Variants in SPECC1 observed in about 807,000 individuals in gnomAD.
The protein encoded by SPECC1 is cytospin-B.
Under a neutral mutation model 104.1 loss-of-function variants are expected in SPECC1, and 62 were observed. The observed-to-expected ratio is 0.60, with a 90% confidence interval of 0.49 to 0.74. The LOEUF is 0.74. Among genes scored for constraint, SPECC1 ranks in the 30% least tolerant of loss-of-function variants. SPECC1 has a pLI of 0.00. For synonymous variants in SPECC1, 513 were observed against 501.6 expected, an observed-to-expected ratio of 1.02 and a Z score of -0.30; for missense variants, 1,306 against 1,310.5, an observed-to-expected ratio of 1.00 and a Z score of 0.05.
chr17:20,218,849 C>T (rs893716013), intron 4 of SPECC1, among the ~76,000 whole-genome samples: 3 of 152,168 alleles, frequency 2.0e-5, no homozygotes. Context: ...TCTCTATCTT[C>T]ATGAGTTCAA....
chr17:20,249,697 C>T (rs1167711231), intron 9 of SPECC1, among the ~76,000 whole-genome samples: 1 of 152,014 alleles, frequency 6.6e-6, no homozygotes, highest in Non-Finnish European at 1.5e-5. Flanking sequence ...TAAAGTTTAG[C>T]TGTAGCTTAA....
At chr17:20,216,577 C>T (rs913443405) in intron 4 of SPECC1, among the ~76,000 whole-genome samples, 12 of 152,034 alleles carry the variant, frequency 7.9e-5, no homozygotes, top group African/African-American at 2.9e-4. Flanking sequence ...GGTCTGACTT[C>T]AGAGCTGCCT....
chr17:20,191,378 G>A (rs2035658387), intron 3 of SPECC1, among the ~76,000 whole-genome samples: 1 of 152,022 alleles, frequency 6.6e-6, no homozygotes, highest in African/African-American at 2.4e-5. Context: ...ATCCTCACCA[G>A]TATTTGGTGT....
chr17:20,122,227 C>T (rs1420828819), intron 3 of SPECC1, among the ~76,000 whole-genome samples: 6 of 152,130 alleles, frequency 3.9e-5, no homozygotes, highest in African/African-American at 1.4e-4. Flanking sequence ...ATTTTTTACT[C>T]TTGACTCCAC....
At chr17:20,182,716 T>C (rs1211219369) in intron 3 of SPECC1, among the ~76,000 whole-genome samples, 1 of 152,242 alleles carries the variant, frequency 6.6e-6, no homozygotes, top group Non-Finnish European at 1.5e-5. Context: ...TATCATTGGA[T>C]TCAGAAAGTA....
rs558580873 is a variant in SPECC1, at chr17:20,084,707, C to T, written c.-21-11924C>T. On this transcript the variant is annotated intron_variant, in intron 1 of 14. Coordinates refer to ENST00000395527, the MANE Select transcript of SPECC1 (RefSeq NM_001243439.2). ...GTAACTAAGAAATCTTTGCCTTACTCGAGGTCACAACAGTTTTCTCCTGTT... is the reference window on the plus strand; with the variant it reads ...GTAACTAAGAAATCTTTGCCTTACTTGAGGTCACAACAGTTTTCTCCTGTT... Among the ~76,000 whole-genome samples, 6 of 152,120 alleles carry T rather than the reference C, an allele frequency of 3.9e-5. No homozygotes were observed. The South Asian group carries it at 1.2e-3, about 32-fold the overall frequency.
chr17:20,021,052 G>C (rs531746918), intron 1 of SPECC1, among the ~76,000 whole-genome samples: 1 of 152,270 alleles, frequency 6.6e-6, no homozygotes, highest in African/African-American at 2.4e-5. Context: ...AATAATGTAA[G>C]CTAGAGATAA....
chr17:20,120,064 C>T (rs1161927978), intron 3 of SPECC1, among the ~76,000 whole-genome samples: 4 of 152,188 alleles, frequency 2.6e-5, no homozygotes, highest in Non-Finnish European at 5.9e-5. Context: ...ATAAGGGATA[C>T]TCACCCTGTA....
chr17:20,242,666 T>G (rs2039254565), intron 7 of SPECC1, among the ~76,000 whole-genome samples: 1 of 152,226 alleles, frequency 6.6e-6, no homozygotes, highest in Non-Finnish European at 1.5e-5. Flanking sequence ...ACCTTGTATA[T>G]CTCTCACAGA....
intron 1 of SPECC1, among the ~76,000 whole-genome samples, chr17:20,082,966 G>GTTCA (rs1183484628): frequency 2.4e-4 from 12 of 50,392 alleles, no homozygotes; most frequent in African/African-American, 7.8e-4. Flanking sequence ...GTGTTCGTTC[G>GTTCA]TTCGTTCGTT....
intron 12 of SPECC1, among the ~76,000 whole-genome samples, chr17:20,274,588 C>G (rs565434912): frequency 1.2e-4 from 17 of 139,018 alleles, no homozygotes; most frequent in African/African-American, 4.3e-4. Context: ...TCAAGTGATT[C>G]TCCTGCCTCA....
intron 1 of SPECC1, among the ~76,000 whole-genome samples, chr17:20,060,185 G>A (rs1206247414): frequency 6.6e-6 from 1 of 152,028 alleles, no homozygotes; most frequent in Non-Finnish European, 1.5e-5. Flanking sequence ...CGCCTCTATA[G>A]TTGTGGTCTT....
At chr17:20,060,296 AAAGTGACATGGAAAGCTTATGCGGTT>A (rs2046135954) in intron 1 of SPECC1, among the ~76,000 whole-genome samples, 1 of 152,196 alleles carries the variant, frequency 6.6e-6, no homozygotes, top group African/African-American at 2.4e-5. Flanking sequence ...TCAAACTTTG[AAAGTGACATGGAAAGCTTATGCGGTT>A]TCTACAACTA....
chr17:20,262,387 A>C (rs138140246), intron 12 of SPECC1, among the ~76,000 whole-genome samples: 37 of 152,320 alleles, frequency 2.4e-4, no homozygotes, highest in Non-Finnish European at 4.7e-4. Flanking sequence ...CAGATGACTG[A>C]AGTAATTGTA....
At chr17:20,040,156 T>G (rs2045264061) in intron 1 of SPECC1, among the ~76,000 whole-genome samples, 1 of 151,920 alleles carries the variant, frequency 6.6e-6, no homozygotes, top group African/African-American at 2.4e-5. Flanking sequence ...TATATGTATA[T>G]ATATATATAC....
At position 20,315,258 on chromosome 17, in the gene SPECC1, C is replaced by T. The variant is rs963763893; in HGVS notation, c.*1193C>T. The stretch of plus-strand genomic sequence containing the variant: ...CTCTTTCATCGGCATGGGAAAAGCC[C>T]TTAGGGGTGGGCGGTGAGGGCACAT... On this transcript the variant is annotated 3_prime_UTR_variant, in exon 15 of 15. Coordinates refer to ENST00000395527, the MANE Select transcript of SPECC1 (RefSeq NM_001243439.2). 3 of 232,612 alleles carry T rather than the reference C, an allele frequency of 1.3e-5. No homozygotes were observed. Among genetic ancestry groups the T allele is most frequent in the Non-Finnish European group, 2.5e-5 (3 of 117,714 alleles). The allele number at this position is 232,612 out of a possible 1,614,324, so 14.4% of individuals were successfully genotyped here. A position where few individuals can be genotyped will look rare whatever the true frequency, so the allele number is the denominator to read the frequency against.
At chr17:20,023,809 T>TAA (rs71245395) in intron 1 of SPECC1, among the ~76,000 whole-genome samples, 53 of 135,320 alleles carry the variant, frequency 3.9e-4, no homozygotes, top group Non-Finnish European at 5.0e-4. Context: ...TGGCAGAAAA[T>TAA]AAAAAAAAAA....
chr17:20,210,319 C>T (rs1377686378), intron 4 of SPECC1, among the ~76,000 whole-genome samples: 3 of 152,216 alleles, frequency 2.0e-5, no homozygotes, highest in East Asian at 1.9e-4. Flanking sequence ...CCCTCCACCC[C>T]GGCCCCAAGG....
intron 12 of SPECC1, among the ~76,000 whole-genome samples, chr17:20,273,223 C>T (rs553958286): frequency 6.6e-6 from 1 of 152,266 alleles, no homozygotes; most frequent in Non-Finnish European, 1.5e-5. Flanking sequence ...GTGGCTCACC[C>T]CTGTAGTCCC....
Sources: allele counts gnomAD v4.1 joint callset (sites outside exome capture counted in the v4.1 genomes callset), GRCh38; gene constraint gnomAD v4.1.1; transcripts MANE v1.5; gene names NCBI Gene and HGNC (gene_info 2026-07-23, HGNC 2026-07-21).